FCHO2: variants seen among roughly 807,000 people sequenced by gnomAD.
The protein encoded by FCHO2 is F-BAR domain only protein 2.
FCHO2 carries 43 observed loss-of-function variants against 114.1 expected under a neutral mutation model. The ratio of observed to expected loss-of-function variants is 0.38; its 90% confidence interval spans 0.30 to 0.49. FCHO2 has a LOEUF of 0.49. Ranked by LOEUF, FCHO2 falls within the 20% of genes least tolerant of loss-of-function variation. FCHO2 has a pLI of 0.97. For synonymous variants in FCHO2, 293 were observed against 315.2 expected (o/e 0.93, Z 0.75); for missense variants, 807 against 950.4 (o/e 0.85, Z 1.98).
chr5:72,977,700 A>G (rs566572041), intron 2 of FCHO2, among the ~76,000 whole-genome samples: 11 of 152,232 alleles, frequency 7.2e-5, no homozygotes, highest in South Asian at 4.2e-4. Flanking sequence ...GCCTATGCCT[A>G]TGTTCTGAAT....
At chr5:73,076,451 T>G (rs1742913307) in intron 20 of FCHO2, among the ~76,000 whole-genome samples, 1 of 152,146 alleles carries the variant, frequency 6.6e-6, no homozygotes, top group South Asian at 2.1e-4. Flanking sequence ...TTTTAAAAGA[T>G]GATATATATT....
intron 11 of FCHO2, among the ~76,000 whole-genome samples, chr5:73,046,230 TA>T (rs1481303739): frequency 6.6e-6 from 1 of 152,162 alleles, no homozygotes; most frequent in Non-Finnish European, 1.5e-5. Context: ...CATACCCAGC[TA>T]ATTTTTTTAT....
chr5:73,066,814 G>A (rs1742361586), intron 18 of FCHO2, among the ~76,000 whole-genome samples: 1 of 151,826 alleles, frequency 6.6e-6, no homozygotes, highest in Non-Finnish European at 1.5e-5. Flanking sequence ...GAAATTCAGG[G>A]GAGGGGCCAA....
chr5:73,015,854 A>G (rs942317580), intron 7 of FCHO2, 130 bp downstream of exon 7: 12 of 462,286 alleles, frequency 2.6e-5, no homozygotes, highest in Middle Eastern at 5.8e-4. Flanking sequence ...AAGAATATGT[A>G]AAGATAATAT....
intron 22 of FCHO2, among the ~76,000 whole-genome samples, chr5:73,080,401 T>C (rs1743055629): frequency 6.6e-6 from 1 of 152,230 alleles, no homozygotes; most frequent in Non-Finnish European, 1.5e-5. Context: ...ACAATTCCAC[T>C]TCCAGAAATC....
intron 24 of FCHO2, among the ~76,000 whole-genome samples, chr5:73,084,302 G>A (rs1743219845): frequency 6.6e-6 from 1 of 152,108 alleles, no homozygotes; most frequent in African/African-American, 2.4e-5. Flanking sequence ...GCCTTGCTCT[G>A]TTGCCCACTC....
At chr5:73,044,244 T>C (rs1756951368) in intron 11 of FCHO2, among the ~76,000 whole-genome samples, 1 of 152,192 alleles carries the variant, frequency 6.6e-6, no homozygotes, top group South Asian at 2.1e-4. Context: ...CAGATAGTTC[T>C]TGATAGCGAT....
intron 12 of FCHO2, 90 bp from the exon 13 acceptor site, chr5:73,052,242 A>G (rs1314715740): frequency 1.5e-6 from 2 of 1,303,340 alleles, no homozygotes; most frequent in Non-Finnish European, 2.1e-6. Flanking sequence ...TGTAACTCTT[A>G]AAGGTTTCAT....
At chr5:72,973,328 G>C (rs1357958283) in intron 2 of FCHO2, among the ~76,000 whole-genome samples, 1 of 152,252 alleles carries the variant, frequency 6.6e-6, no homozygotes, top group East Asian at 1.9e-4. Flanking sequence ...AATCCATCTG[G>C]TCCTGTACTC....
intron 2 of FCHO2, among the ~76,000 whole-genome samples, chr5:72,982,798 G>A (rs1753286409): frequency 1.4e-5 from 2 of 146,574 alleles, no homozygotes; most frequent in Admixed American, 6.8e-5. Context: ...TAATTTTTGT[G>A]AAGGGTGTAA....
rs2112715449 is a variant in FCHO2 at position 73,006,501 on chromosome 5, T to C, written c.552T>C (p.Tyr184=). Residue 184 remains tyrosine, a synonymous_variant, in exon 6 of 26, where the codon TAT becomes TAC. Coordinates refer to ENST00000430046, the MANE Select transcript of FCHO2 (RefSeq NM_138782.3). ...CCTATAAACTCTATGTGGAAAAATA[T>C]GCATTAGCAAAAGCTGATTTCGAAC... ...TDTYKLYVEK[Y]ALAKADFEQK... The C allele has an allele frequency of 1.9e-6, 3 of 1,579,556 alleles. No individual in the cohort carries two copies. The highest frequency in any genetic ancestry group is 2.6e-6 in the Non-Finnish European group (3 of 1,166,418).
At chr5:73,083,960 T>C (rs1347910880) in intron 24 of FCHO2, among the ~76,000 whole-genome samples, 9 of 151,540 alleles carry the variant, frequency 5.9e-5, no homozygotes, top group African/African-American at 2.2e-4. Context: ...TTCCTGTCCA[T>C]TTCCCCCTAT....
In FCHO2 at chr5:73,052,378, A is replaced by G. The variant is rs763502771; in HGVS notation, c.1044A>G (p.Glu348=). The change falls in exon 13 of 26, where the codon GAA becomes GAG. Residue 348 remains glutamate, a synonymous_variant. Coordinates refer to ENST00000430046, the MANE Select transcript of FCHO2 (RefSeq NM_138782.3). ...HFYSSSDSDS[E]DEEPKKYRIE... is the part of the protein sequence containing the mutation. ...ACTCATCTAGTGATTCTGACTCCGA[A>G]GATGAAGAACCAAAGAAGTATCGGA... 2 of 1,609,014 alleles carry G rather than the reference A, an allele frequency of 1.2e-6. No homozygotes were observed. Among genetic ancestry groups the G allele is most frequent in the South Asian group, 2.2e-5 (2 of 89,764 alleles).
chr5:73,058,362 T>A (rs1253499753), intron 16 of FCHO2, 71 bp from the exon 17 acceptor site: 8 of 1,092,262 alleles, frequency 7.3e-6, no homozygotes, highest in Non-Finnish European at 1.0e-5. Flanking sequence ...GAAATAAAAA[T>A]AAGTGACTAG....
At chr5:72,997,870 G>A (rs1315655548) in intron 5 of FCHO2, among the ~76,000 whole-genome samples, 2 of 152,234 alleles carry the variant, frequency 1.3e-5, no homozygotes, top group Non-Finnish European at 1.5e-5. Context: ...CTCCATGTGT[G>A]AATGGAGTTC....
rs1257505411 is a variant in FCHO2 at position 73,082,892 on chromosome 5, T to C, written c.2245+67T>C. On this transcript the variant is annotated intron_variant, in intron 24 of 25. Coordinates refer to ENST00000430046, the MANE Select transcript of FCHO2 (RefSeq NM_138782.3). ...TGAAAATTGATTTTTTTTTTTTTTT[T>C]AAAACAGAGTCTAGCTTTGTTGCCA... 4.2e-6 allele frequency: 4 copies of C among 959,342 alleles called. No homozygotes were observed. The South Asian group carries it at 6.4e-5, about 15-fold the overall frequency. 59.4% of individuals were successfully genotyped at this position (959,342 alleles called of 1,614,324 possible).
intron 10 of FCHO2, among the ~76,000 whole-genome samples, chr5:73,039,619 T>G (rs1485127969): frequency 6.6e-6 from 1 of 152,146 alleles, no homozygotes. Context: ...TTAAATGACT[T>G]TTAAGTGGAT....
chr5:72,990,112 G>A (rs1359658023), intron 3 of FCHO2, among the ~76,000 whole-genome samples: 1 of 151,804 alleles, frequency 6.6e-6, no homozygotes, highest in Non-Finnish European at 1.5e-5. Flanking sequence ...ATTTTAAATG[G>A]AATACTTGTT....
At chr5:73,051,698 C>T (rs1003033881) in intron 12 of FCHO2, among the ~76,000 whole-genome samples, 1 of 151,814 alleles carries the variant, frequency 6.6e-6, no homozygotes, top group East Asian at 1.9e-4. Flanking sequence ...CCCCAAGTAG[C>T]TTGGATTACA....
Sources: gnomAD v4.1 joint callset for allele counts (sites outside exome capture counted in the v4.1 genomes callset) on GRCh38, gnomAD v4.1.1 for gene constraint, MANE v1.5 for transcripts, NCBI Gene and HGNC (gene_info 2026-07-23, HGNC 2026-07-21) for gene names.